TASP1: variants seen among roughly 807,000 people sequenced by gnomAD.
TASP1 encodes threonine aspartase 1.
Under a neutral mutation model 56.6 loss-of-function variants are expected in TASP1, and 16 were observed. That is an observed-to-expected ratio of 0.28 (90% CI 0.19 to 0.43). The LOEUF is 0.43. TASP1 is among the 20% of genes least tolerant of loss of function. The pLI, the probability that TASP1 is intolerant of heterozygous loss-of-function variation, is 1.00. For synonymous variants in TASP1, 179 were observed against 184.2 expected, an observed-to-expected ratio of 0.97 and a Z score of 0.23; for missense variants, 393 against 511.6, an observed-to-expected ratio of 0.77 and a Z score of 2.24.
intron 13 of TASP1, among the ~76,000 whole-genome samples, chr20:13,406,611 C>T (rs1036507554): frequency 2.6e-5 from 4 of 151,442 alleles, no homozygotes; most frequent in African/African-American, 4.9e-5. Flanking sequence ...TGATAGATGA[C>T]GCCCTTAATC....
At chr20:13,615,693 C>T (rs1371522567) in intron 4 of TASP1, among the ~76,000 whole-genome samples, 1 of 151,720 alleles carries the variant, frequency 6.6e-6, no homozygotes, top group African/African-American at 2.4e-5. Flanking sequence ...TTAGTAGAGA[C>T]GGGGTTTCAC....
chr20:13,628,733 T>C lies in TASP1; in HGVS notation c.145+1201A>G, dbSNP rs1027318263. Among the ~76,000 whole-genome samples, 64 of 152,208 alleles carry C rather than the reference T, an allele frequency of 4.2e-4. 1 individual carries two copies. The highest frequency in any genetic ancestry group is 2.0e-4 in the Admixed American group (3 of 15,282). The stretch of plus-strand genomic sequence containing the variant: ...AGTTAAAAGGAAACCCAGACATTCT[T>C]TCTCTCTTCATGGAGGTCATGGAAA... On this transcript the variant is annotated intron_variant, in intron 2 of 13. Transcript: ENST00000337743.
chr20:13,323,591 T>C, the TASP1 span, among the ~76,000 whole-genome samples: 1 of 152,200 alleles, frequency 6.6e-6, no homozygotes, highest in East Asian at 1.9e-4. Flanking sequence ...AGGCAACATA[T>C]AGTATCTCAT....
At chr20:13,623,652 T>G in intron 3 of TASP1, 138 bp from the exon 4 acceptor site, 1 of 579,104 alleles carries the variant, frequency 1.7e-6, no homozygotes, top group African/African-American at 1.9e-5. Flanking sequence ...AGACATAAAC[T>G]ACTCAGATTA....
In TASP1 at chr20:13,400,916, T is replaced by C. The variant is rs558548251; in HGVS notation, c.1171-10464A>G. Among the ~76,000 whole-genome samples, 37 of 152,276 alleles carry C rather than the reference T, an allele frequency of 2.4e-4. 1 individual carries two copies. Among genetic ancestry groups the C allele is most frequent in the African/African-American group, 8.9e-4 (37 of 41,554 alleles). ...CAAGATGAAGACTTTTAAAAAAACA[T>C]AAACTATATTATTTGGATGAATCAT... is the stretch of plus-strand genomic sequence containing the variant. On this transcript the variant is annotated intron_variant, in intron 13 of 13. Transcript: ENST00000337743.
chr20:13,127,823 G>C, the TASP1 span, among the ~76,000 whole-genome samples: 1 of 152,110 alleles, frequency 6.6e-6, no homozygotes, highest in African/African-American at 2.4e-5. Flanking sequence ...CTGATCTCTA[G>C]GATCCCTTCC....
chr20:13,528,080 G>A (rs1343724441), intron 10 of TASP1, among the ~76,000 whole-genome samples: 4 of 151,658 alleles, frequency 2.6e-5, no homozygotes, highest in Non-Finnish European at 4.4e-5. Flanking sequence ...AAAATCAGCC[G>A]GGTGTGGTGG....
At chr20:13,624,115 A>G (rs533391247) in intron 3 of TASP1, among the ~76,000 whole-genome samples, 39 of 152,350 alleles carry the variant, frequency 2.6e-4, no homozygotes, top group African/African-American at 8.9e-4. Flanking sequence ...AGAGGAAAAG[A>G]GAGAGAAGGA....
At chr20:13,552,209 C>T (rs1332131695) in intron 8 of TASP1, among the ~76,000 whole-genome samples, 4 of 152,110 alleles carry the variant, frequency 2.6e-5, no homozygotes, top group African/African-American at 7.2e-5. Context: ...TAAACTCCCC[C>T]GCCATCTCCT....
the TASP1 span, chr20:13,110,055 G>T: frequency 6.9e-7 from 1 of 1,442,340 alleles, no homozygotes; most frequent in Non-Finnish European, 9.4e-7. Flanking sequence ...AAAGAAAGTG[G>T]AAAAGGAAAA....
chr20:13,114,561 A>G, the TASP1 span, among the ~76,000 whole-genome samples: 1 of 152,222 alleles, frequency 6.6e-6, no homozygotes. Context: ...TCAGAATACC[A>G]TTTACTCTAA....
At chr20:13,138,564 C>T in the TASP1 span, among the ~76,000 whole-genome samples, 3 of 152,122 alleles carry the variant, frequency 2.0e-5, no homozygotes, top group Non-Finnish European at 2.9e-5. Context: ...GAATGGGCAC[C>T]GAACACTATA....
chr20:13,431,022 A>C (rs559295361), intron 12 of TASP1, among the ~76,000 whole-genome samples: 9 of 152,198 alleles, frequency 5.9e-5, no homozygotes, highest in African/African-American at 1.9e-4. Flanking sequence ...ATTATTTACA[A>C]TTTTGAGAAA....
chr20:13,390,302 C>A lies in TASP1; in HGVS notation c.*58G>T, dbSNP rs1052457434. The A allele has an allele frequency of 6.7e-7, 1 of 1,501,642 alleles. No homozygotes were observed. Among genetic ancestry groups the A allele is most frequent in the Non-Finnish European group, 9.2e-7 (1 of 1,087,140 alleles). 93.0% of individuals were successfully genotyped at this position (1,501,642 alleles called of 1,614,324 possible). A position where few individuals can be genotyped will look rare whatever the true frequency, so the allele number is the denominator to read the frequency against. ...TAAAACAACCAACTTCAGTTAAAAA[C>A]CCCCAAAAGCTCAGGTTCTGAAATG... On this transcript the variant is annotated 3_prime_UTR_variant, in exon 14 of 14. Coordinates refer to ENST00000337743, the MANE Select transcript of TASP1 (RefSeq NM_017714.3).
intron 10 of TASP1, among the ~76,000 whole-genome samples, chr20:13,495,590 T>A (rs6042174): frequency 0.25 from 38,620 of 151,918 alleles, 5,074 homozygotes; most frequent in Middle Eastern, 0.31. Context: ...CAGATGAAAG[T>A]AGCAGATAAA....
intron 10 of TASP1, among the ~76,000 whole-genome samples, chr20:13,500,295 T>TG (rs2043898677): frequency 6.9e-6 from 1 of 143,936 alleles, no homozygotes; most frequent in Non-Finnish European, 1.5e-5. Context: ...TTTGTCATAC[T>TG]AGATGCATGG....
the TASP1 span, among the ~76,000 whole-genome samples, chr20:13,216,790 A>G: frequency 6.6e-6 from 1 of 152,198 alleles, no homozygotes; most frequent in Non-Finnish European, 1.5e-5. Context: ...AGAGACCCAG[A>G]CTGATCATTG....
At chr20:13,298,941 GAC>G in the TASP1 span, 2 of 1,612,576 alleles carry the variant, frequency 1.2e-6, no homozygotes, top group Non-Finnish European at 8.5e-7. Flanking sequence ...GCCTTTTCCA[GAC>G]ACAGACAGCT....
At chr20:13,291,169 C>T in the TASP1 span, among the ~76,000 whole-genome samples, 2 of 152,224 alleles carry the variant, frequency 1.3e-5, no homozygotes, top group African/African-American at 4.8e-5. Flanking sequence ...TTTTCTGTCA[C>T]CGCGGAGAGC....
Sources: gnomAD v4.1 joint callset for allele counts (sites outside exome capture counted in the v4.1 genomes callset) on GRCh38, gnomAD v4.1.1 for gene constraint, MANE v1.5 for transcripts, NCBI Gene and HGNC (gene_info 2026-07-23, HGNC 2026-07-21) for gene names.